The following CCDC141 variants were observed in gnomAD, a reference collection of about 807,000 sequenced individuals.
The protein encoded by CCDC141 is coiled-coil domain containing 141, also known as coiled-coil domain-containing protein 141.
In CCDC141, 168 loss-of-function variants were observed where a neutral mutation model predicts 181.0. That is an observed-to-expected ratio of 0.93 (90% CI 0.82 to 1.05). The LOEUF (loss-of-function observed/expected upper bound fraction) is 1.05. Ranked by LOEUF, CCDC141 falls within the 50% of genes least tolerant of loss-of-function variation. CCDC141 has a pLI of 0.00. For synonymous variants in CCDC141, 666 were observed against 642.3 expected (o/e 1.04, Z -0.56); for missense variants, 1,902 against 1,788.5 (o/e 1.06, Z -1.14).
chr2:178,856,319 G>C lies in CCDC141; in HGVS notation c.2803C>G (p.Arg935Gly). 1 of 1,609,506 alleles carries C rather than the reference G, an allele frequency of 6.2e-7. No homozygotes were observed. The highest frequency in any genetic ancestry group is 8.5e-7 in the Non-Finnish European group (1 of 1,177,790). The change falls in exon 18 of 24, where the codon CGG becomes GGG. Residue 935 changes from arginine (R) to glycine (G), a missense_variant. By Grantham distance (125) the Arg-to-Gly change is moderately radical. Transcript: ENST00000443758. ...TGATATTTAAGCGCCTTCAGATTCCGAGATTTTTCATTTTTCTTAGTGTAA... is the reference window on the plus strand; with the variant it reads ...TGATATTTAAGCGCCTTCAGATTCCCAGATTTTTCATTTTTCTTAGTGTAA... ...FNYTKKNEKS[R>G]NLKALKYQIQ...
intron 12 of CCDC141, chr2:178,875,203 A>G (rs1019151280): frequency 3.9e-5 from 6 of 152,206 alleles, no homozygotes; most frequent in Admixed American, 6.5e-5. Flanking sequence ...TTTGATAAAT[A>G]TTCGCTAGTT....
intron 23 of CCDC141, 94 bp downstream of exon 23, chr2:178,836,800 C>T (rs1575112287): frequency 7.3e-7 from 1 of 1,366,550 alleles, no homozygotes; most frequent in East Asian, 2.3e-5. Context: ...TATTAATCAG[C>T]TAGCCCTAAA....
intron 6 of CCDC141, among the ~76,000 whole-genome samples, chr2:178,930,193 A>G (rs1437461520): frequency 6.6e-6 from 1 of 152,186 alleles, no homozygotes; most frequent in Non-Finnish European, 1.5e-5. Flanking sequence ...GGAAATTAAG[A>G]AAATGATTTC....
chr2:178,871,342 C>A, intron 14 of CCDC141, 85 bp downstream of exon 14: 1 of 1,404,888 alleles, frequency 7.1e-7, no homozygotes, highest in Non-Finnish European at 9.7e-7. Context: ...ATTCACCAGC[C>A]TGTTACAATT....
At chr2:178,957,718 G>A (rs77282332) in intron 5 of CCDC141, among the ~76,000 whole-genome samples, 201 of 152,204 alleles carry the variant, frequency 1.3e-3, no homozygotes, top group Admixed American at 4.7e-3. Context: ...GCAGACAATG[G>A]GATATTTATT....
intron 6 of CCDC141, among the ~76,000 whole-genome samples, chr2:178,932,131 C>T (rs1189420210): frequency 1.3e-5 from 2 of 152,132 alleles, no homozygotes; most frequent in Non-Finnish European, 2.9e-5. Context: ...GCACTCCAGC[C>T]TAGGTGACAG....
Position 178,930,079 on chromosome 2 carries a change from A to G in CCDC141, c.898-11172T>C, listed in dbSNP as rs1160239825. On this transcript the variant is annotated intron_variant, in intron 6 of 23. Transcript: ENST00000443758. ...GAAAACCCTAAGGAATAATTTTTAA[A>G]AATTAAAGCAAATAAATTAAATCAG... Among the ~76,000 whole-genome samples, 4 of 152,242 alleles carry G rather than the reference A, an allele frequency of 2.6e-5. No individual in the cohort carries two copies. The East Asian group carries it at 7.7e-4, about 29-fold the overall frequency.
chr2:178,849,676 A>T (rs1373406295), intron 21 of CCDC141, among the ~76,000 whole-genome samples: 1 of 152,174 alleles, frequency 6.6e-6, no homozygotes, highest in Non-Finnish European at 1.5e-5. Flanking sequence ...CTCTGGTGCC[A>T]CAATTTGGAG....
intron 14 of CCDC141, among the ~76,000 whole-genome samples, chr2:178,870,731 T>C (rs966354752): frequency 6.6e-6 from 1 of 152,208 alleles, no homozygotes; most frequent in Non-Finnish European, 1.5e-5. Context: ...GAAGCCCACA[T>C]TTATGAAGCA....
chr2:178,855,443 C>G lies in CCDC141; in HGVS notation c.2964G>C (p.Lys988Asn), dbSNP rs778418261. Residue 988 changes from lysine to asparagine, a missense_variant, in exon 19 of 24, where the codon AAG becomes AAC. Physicochemically the swap from Lys to Asn is moderately conservative, Grantham distance 94. Coordinates refer to ENST00000443758, the MANE Select transcript of CCDC141 (RefSeq NM_173648.4). ...DKVNVLLEVM[K>N]DLQKHVDDFD... ...AGTCATCCACATGTTTTTGCAAATC[C>G]TTCATGACTTCCAAAAGGACATTAA... is the stretch of plus-strand genomic sequence containing the variant. The G allele has an allele frequency of 6.2e-7, 1 of 1,611,780 alleles. No homozygotes were observed. Among genetic ancestry groups the G allele is most frequent in the Admixed American group, 1.7e-5 (1 of 59,646 alleles).
In CCDC141 at chr2:178,853,487, T is replaced by G. The variant is rs777571122; in HGVS notation, c.3198A>C (p.Gln1066His). 6.2e-7 allele frequency: 1 copy of G among 1,614,186 alleles called. No homozygotes were observed. The highest frequency in any genetic ancestry group is 8.5e-7 in the Non-Finnish European group (1 of 1,180,002). Residue 1066 changes from glutamine (Q) to histidine (H), a missense_variant, in exon 20 of 24, where the codon CAA (glutamine) becomes CAC (histidine). Transcript: ENST00000443758. ...NKFIAPSVPQ[Q>H]EERIQEATDL... is the part of the protein sequence containing the mutation. Reference sequence around the variant, plus strand: ...CAGTGGCCTCCTGAATCCTTTCTTCTTGCTGCGGCACTGAGGGTGCAATAA... The same window carrying G: ...CAGTGGCCTCCTGAATCCTTTCTTCGTGCTGCGGCACTGAGGGTGCAATAA...
At position 178,869,212 on chromosome 2, in the gene CCDC141, C is replaced by T. The variant is rs141939661; in HGVS notation, c.2299G>A (p.Asp767Asn). Residue 767 changes from aspartate to asparagine, a missense_variant, in exon 15 of 24, where the codon GAC becomes AAC. Coordinates refer to ENST00000443758, the MANE Select transcript of CCDC141 (RefSeq NM_173648.4). ...TGTTTTTGATGGAAGTGAATAAGGT[C>T]CTTCAGTTGTTGAGACTTTTCTTTT... ...PVKEKSQQLKDLIHFHQKQKE... is the reference protein window; with the variant it reads ...PVKEKSQQLKNLIHFHQKQKE... 9,220 of 1,613,642 alleles carry T rather than the reference C, an allele frequency of 5.7e-3. 35 individuals are homozygous for T. The highest frequency in any genetic ancestry group is 7.2e-3 in the Non-Finnish European group (8,446 of 1,179,716).
chr2:178,867,922 T>C, intron 16 of CCDC141, 104 bp downstream of exon 16: 1 of 907,412 alleles, frequency 1.1e-6, no homozygotes, highest in Non-Finnish European at 1.6e-6. Context: ...TTTAGTTTAT[T>C]TTTAAATTTA....
intron 6 of CCDC141, among the ~76,000 whole-genome samples, chr2:178,942,289 A>T (rs1215900769): frequency 6.6e-6 from 1 of 152,174 alleles, no homozygotes; most frequent in African/African-American, 2.4e-5. Flanking sequence ...TCCCTATGTC[A>T]TGCAGGCTTG....
At chr2:178,994,427 C>A (rs1692193040) in intron 2 of CCDC141, among the ~76,000 whole-genome samples, 1 of 152,242 alleles carries the variant, frequency 6.6e-6, no homozygotes, top group South Asian at 2.1e-4. Context: ...TCAGCCATGG[C>A]TGGAGTGGCT....
intron 5 of CCDC141, among the ~76,000 whole-genome samples, chr2:178,946,142 T>C (rs1689722877): frequency 6.6e-6 from 1 of 152,310 alleles, no homozygotes; most frequent in Admixed American, 6.5e-5. Flanking sequence ...TCTCATTTTC[T>C]TCCGAATATC....
chr2:178,924,037 A>G (rs1179539551), intron 6 of CCDC141, among the ~76,000 whole-genome samples: 1 of 152,218 alleles, frequency 6.6e-6, no homozygotes, highest in Non-Finnish European at 1.5e-5. Context: ...AAAAATAATA[A>G]TAACTACAGT....
intron 7 of CCDC141, among the ~76,000 whole-genome samples, chr2:178,916,937 TTC>T (rs1367245542): frequency 2.6e-4 from 40 of 151,460 alleles, no homozygotes; most frequent in African/African-American, 9.7e-4. Flanking sequence ...CTTCTTCTTC[TTC>T]TTTTTTTTTT....
chr2:179,014,252 C>T (rs942088649), intron 2 of CCDC141, among the ~76,000 whole-genome samples: 1 of 152,058 alleles, frequency 6.6e-6, no homozygotes, highest in Non-Finnish European at 1.5e-5. Flanking sequence ...TCATCTCTCA[C>T]CTTATACAAA....
Sources: gnomAD v4.1 joint callset for allele counts (sites outside exome capture counted in the v4.1 genomes callset) on GRCh38, gnomAD v4.1.1 for gene constraint, MANE v1.5 for transcripts, NCBI Gene and HGNC (gene_info 2026-07-23, HGNC 2026-07-21) for gene names.